The following EYA1 variants were observed in gnomAD, a reference collection of about 807,000 sequenced individuals.
The protein encoded by EYA1 is EYA transcriptional coactivator and phosphatase 1, also known as protein phosphatase EYA1.
In EYA1, 16 loss-of-function variants were observed where a neutral mutation model predicts 82.0. The ratio of observed to expected loss-of-function variants is 0.20; its 90% confidence interval spans 0.13 to 0.30. The LOEUF (loss-of-function observed/expected upper bound fraction) is 0.30, where lower values mean the gene tolerates loss of function less well. Ranked by LOEUF, EYA1 falls within the 10% of genes least tolerant of loss-of-function variation. The pLI is 1.00. For synonymous variants in EYA1, 261 were observed against 264.4 expected, an observed-to-expected ratio of 0.99 and a Z score of 0.12; for missense variants, 633 against 730.7, an observed-to-expected ratio of 0.87 and a Z score of 1.54.
At chr8:71,368,505 A>G (rs1045914023) in intron 2 of EYA1, among the ~76,000 whole-genome samples, 4 of 152,186 alleles carry the variant, frequency 2.6e-5, no homozygotes, top group African/African-American at 7.2e-5. Flanking sequence ...AGCAAAAAAA[A>G]AGAAAGAATT....
At chr8:71,398,557 T>C (rs1829767992) in intron 2 of EYA1, among the ~76,000 whole-genome samples, 1 of 152,092 alleles carries the variant, frequency 6.6e-6, no homozygotes, top group African/African-American at 2.4e-5. Flanking sequence ...TTACTGGAGG[T>C]CCACTCCAGA....
intron 11 of EYA1, among the ~76,000 whole-genome samples, chr8:71,253,419 CTGA>C (rs1484498313): frequency 6.6e-6 from 1 of 152,102 alleles, no homozygotes; most frequent in Non-Finnish European, 1.5e-5. Flanking sequence ...AATCATCAAA[CTGA>C]TTATATAGGG....
rs146650112 is a variant in EYA1 at position 71,430,865 on chromosome 8, C to A, written c.34-74354G>T. 6.3e-3 allele frequency among the ~76,000 whole-genome samples: 919 copies of A among 145,120 alleles called. 10 individuals carry two copies. The highest frequency in any genetic ancestry group is 0.031 in the South Asian group (140 of 4,558). Reference sequence around the variant, plus strand: ...GAGAAGATAAGGGGCAACTGAAACACAGGTAGTTGGAAATAAATTGGAAGA... The same window carrying A: ...GAGAAGATAAGGGGCAACTGAAACAAAGGTAGTTGGAAATAAATTGGAAGA... On this transcript the variant is annotated intron_variant, in intron 2 of 18. Coordinates refer to the EYA1 transcript ENST00000643681.
intron 3 of EYA1, among the ~76,000 whole-genome samples, chr8:71,338,206 C>A (rs1240435763): frequency 6.6e-6 from 1 of 152,200 alleles, no homozygotes; most frequent in African/African-American, 2.4e-5. Flanking sequence ...CATGAGGCCA[C>A]ACTTCAAGAG....
chr8:71,208,958 A>G (rs1372860813), intron 17 of EYA1, among the ~76,000 whole-genome samples: 1 of 152,222 alleles, frequency 6.6e-6, no homozygotes, highest in Non-Finnish European at 1.5e-5. Context: ...CCTGCATTTT[A>G]AGTAATCACT....
chr8:71,349,621 T>C (rs757511754), intron 3 of EYA1, among the ~76,000 whole-genome samples: 4 of 152,198 alleles, frequency 2.6e-5, no homozygotes, highest in Non-Finnish European at 4.4e-5. Context: ...CAGTTAATAC[T>C]GAGCACTTAT....
intron 2 of EYA1, among the ~76,000 whole-genome samples, chr8:71,389,726 C>T (rs115448140): frequency 0.015 from 2,225 of 152,214 alleles, 51 homozygotes; most frequent in African/African-American, 0.049. Flanking sequence ...AGCTGAGTTT[C>T]GTACAAGATC....
chr8:71,248,736 T>C (rs1813398582), intron 11 of EYA1, among the ~76,000 whole-genome samples: 1 of 152,244 alleles, frequency 6.6e-6, no homozygotes, highest in Non-Finnish European at 1.5e-5. Flanking sequence ...GGTTAGATTT[T>C]ATTTTCCTAT....
At chr8:71,262,306 C>T (rs527690162) in intron 11 of EYA1, among the ~76,000 whole-genome samples, 2 of 152,286 alleles carry the variant, frequency 1.3e-5, no homozygotes, top group Admixed American at 6.5e-5. Flanking sequence ...CCTAAATATA[C>T]TTTATCACTA....
chr8:71,405,546 TA>T, intron 2 of EYA1, among the ~76,000 whole-genome samples: 1 of 152,332 alleles, frequency 6.6e-6, no homozygotes. Context: ...TATTTTAATT[TA>T]TCTTGATTTC....
At chr8:71,336,974 C>G (rs1824563440) in intron 3 of EYA1, among the ~76,000 whole-genome samples, 1 of 152,166 alleles carries the variant, frequency 6.6e-6, no homozygotes, top group South Asian at 2.1e-4. Context: ...TTATTGTAGC[C>G]AAACATACAT....
At chr8:71,483,261 A>T (rs1334282907) in intron 2 of EYA1, among the ~76,000 whole-genome samples, 1 of 151,718 alleles carries the variant, frequency 6.6e-6, no homozygotes, top group Non-Finnish European at 1.5e-5. Flanking sequence ...ATAGCCACCA[A>T]CCTCCCTCTC....
At chr8:71,467,645 C>A (rs1258231245) in intron 2 of EYA1, among the ~76,000 whole-genome samples, 1 of 152,068 alleles carries the variant, frequency 6.6e-6, no homozygotes, top group African/African-American at 2.4e-5. Flanking sequence ...GGCTTCTTCC[C>A]ATTAGAGTCA....
chr8:71,502,838 T>G (rs1811912593), intron 2 of EYA1, among the ~76,000 whole-genome samples: 1 of 152,174 alleles, frequency 6.6e-6, no homozygotes, highest in African/African-American at 2.4e-5. Flanking sequence ...CTGGTTAAAT[T>G]TATCCAATTG....
intron 2 of EYA1, among the ~76,000 whole-genome samples, chr8:71,449,506 T>C (rs979021599): frequency 6.6e-6 from 1 of 152,216 alleles, no homozygotes; most frequent in African/African-American, 2.4e-5. Context: ...ATCTCAACAC[T>C]GGGCTTAAAA....
chr8:71,404,336 T>A (rs1465027880), intron 2 of EYA1: 1 of 152,178 alleles, frequency 6.6e-6, no homozygotes, highest in East Asian at 1.9e-4. Flanking sequence ...TATTAATGGG[T>A]CTTGGAATGA....
At chr8:71,423,273 A>G (rs944562703) in intron 2 of EYA1, among the ~76,000 whole-genome samples, 12 of 152,240 alleles carry the variant, frequency 7.9e-5, no homozygotes, top group Non-Finnish European at 1.5e-4. Context: ...GATTGAATGG[A>G]AACAGCATAC....
intron 1 of EYA1, among the ~76,000 whole-genome samples, chr8:71,540,228 A>T (rs942606418): frequency 1.3e-5 from 2 of 152,228 alleles, no homozygotes; most frequent in Non-Finnish European, 2.9e-5. Flanking sequence ...ACTCCTTAGA[A>T]AAGAAAAAAA....
intron 2 of EYA1, among the ~76,000 whole-genome samples, chr8:71,478,102 C>T (rs190315683): frequency 6.6e-6 from 1 of 152,220 alleles, no homozygotes; most frequent in Admixed American, 6.5e-5. Flanking sequence ...GTGATGGTTG[C>T]ATACATTGTG....
Sources: allele counts gnomAD v4.1 joint callset (sites outside exome capture counted in the v4.1 genomes callset), GRCh38; gene constraint gnomAD v4.1.1; transcripts MANE v1.5; gene names NCBI Gene and HGNC (gene_info 2026-07-23, HGNC 2026-07-21).